The following DYNC1I1 variants were observed in gnomAD, a reference collection of about 807,000 sequenced individuals.
DYNC1I1 encodes the protein dynein cytoplasmic 1 intermediate chain 1.
In DYNC1I1, 43 loss-of-function variants were observed where a neutral mutation model predicts 86.6. The ratio of observed to expected loss-of-function variants is 0.50; its 90% CI spans 0.39 to 0.64. The LOEUF (loss-of-function observed/expected upper bound fraction) is 0.64, where lower values mean the gene tolerates loss of function less well. Among genes scored for constraint, DYNC1I1 ranks in the 30% least tolerant of loss-of-function variants. DYNC1I1 has a pLI of 0.00. For synonymous variants in DYNC1I1, 262 were observed against 283.7 expected (o/e 0.92, Z 0.77); for missense variants, 604 against 788.8 (o/e 0.77, Z 2.81).
At chr7:95,827,961 G>A (rs41278821) in intron 4 of DYNC1I1, 96 bp from the exon 5 acceptor site, 45,780 of 1,234,932 alleles carry the variant, frequency 0.037, 1,155 homozygotes, top group Non-Finnish European at 0.046. Flanking sequence ...TATTGTATAT[G>A]CTCTTGCCTT....
intron 3 of DYNC1I1, among the ~76,000 whole-genome samples, chr7:95,812,825 T>A (rs543181152): frequency 2.0e-5 from 3 of 152,176 alleles, no homozygotes; most frequent in Admixed American, 6.6e-5. Flanking sequence ...ACTTATTTAA[T>A]AACCTTTTAA....
At chr7:95,822,054 G>A (rs1795087452) in intron 4 of DYNC1I1, among the ~76,000 whole-genome samples, 1 of 152,218 alleles carries the variant, frequency 6.6e-6, no homozygotes, top group African/African-American at 2.4e-5. Context: ...CCAACTTGTT[G>A]TTGGTAAAAG....
At chr7:95,974,114 T>C (rs1370922875) in intron 6 of DYNC1I1, among the ~76,000 whole-genome samples, 1 of 152,232 alleles carries the variant, frequency 6.6e-6, no homozygotes, top group East Asian at 1.9e-4. Flanking sequence ...TTTCACTCTG[T>C]TTTAAATTGA....
chr7:96,054,929 G>A (rs1333439132), intron 14 of DYNC1I1, among the ~76,000 whole-genome samples: 24 of 152,086 alleles, frequency 1.6e-4, no homozygotes, highest in Non-Finnish European at 4.4e-5. Context: ...TGTTCACTCT[G>A]ATGATAGTTT....
chr7:96,062,772 A>G (rs1789821211), intron 14 of DYNC1I1, among the ~76,000 whole-genome samples: 1 of 152,206 alleles, frequency 6.6e-6, no homozygotes, highest in Non-Finnish European at 1.5e-5. Flanking sequence ...ACCATTTCTA[A>G]AATAAAAAGA....
intron 5 of DYNC1I1, among the ~76,000 whole-genome samples, chr7:95,847,609 A>G (rs1435479565): frequency 2.6e-5 from 4 of 152,174 alleles, no homozygotes; most frequent in Admixed American, 2.0e-4. Context: ...TCTACAGCAT[A>G]AAGTCCAAAT....
At chr7:95,875,775 G>A (rs889744356) in intron 6 of DYNC1I1, among the ~76,000 whole-genome samples, 10 of 152,304 alleles carry the variant, frequency 6.6e-5, no homozygotes, top group African/African-American at 2.4e-4. Flanking sequence ...TGTAGCTGGT[G>A]AACTTGTGAT....
At chr7:95,776,978 G>A (rs1204023219) in intron 1 of DYNC1I1, among the ~76,000 whole-genome samples, 1 of 152,198 alleles carries the variant, frequency 6.6e-6, no homozygotes, top group Non-Finnish European at 1.5e-5. Flanking sequence ...GCCAGATAGT[G>A]GAAGGGCTGG....
At chr7:95,975,349 T>C (rs1011981683) in intron 6 of DYNC1I1, among the ~76,000 whole-genome samples, 9 of 152,160 alleles carry the variant, frequency 5.9e-5, no homozygotes, top group Non-Finnish European at 1.2e-4. Context: ...TCTGTGGGCT[T>C]GGTTCCTTCT....
At chr7:96,063,777 G>T (rs1329160960) in intron 14 of DYNC1I1, among the ~76,000 whole-genome samples, 1 of 152,178 alleles carries the variant, frequency 6.6e-6, no homozygotes, top group Non-Finnish European at 1.5e-5. Flanking sequence ...TGGAGAGAGA[G>T]GGTGATAATT....
chr7:96,100,802 G>T (rs1469666703), downstream of DYNC1I1, among the ~76,000 whole-genome samples: 1 of 152,064 alleles, frequency 6.6e-6, no homozygotes, highest in Non-Finnish European at 1.5e-5. Flanking sequence ...TGTCTGAGTT[G>T]CCCTGGTAGT....
At chr7:95,892,031 C>G (rs4727328) in intron 6 of DYNC1I1, among the ~76,000 whole-genome samples, 133,580 of 152,126 alleles carry the variant, frequency 0.88, 58,767 homozygotes, top group Middle Eastern at 0.9. Context: ...GCAGTAGCAT[C>G]ATTTCGGCTC....
At chr7:95,936,705 C>A (rs950610486) in intron 6 of DYNC1I1, among the ~76,000 whole-genome samples, 12 of 151,706 alleles carry the variant, frequency 7.9e-5, no homozygotes, top group Non-Finnish European at 1.5e-4. Flanking sequence ...ATTAAAAATA[C>A]GATTGTTCCA....
chr7:95,780,185 T>C (rs1422632333), intron 1 of DYNC1I1, among the ~76,000 whole-genome samples: 3 of 152,176 alleles, frequency 2.0e-5, no homozygotes, highest in Admixed American at 2.0e-4. Flanking sequence ...TTTCATTGAA[T>C]AAATGAAATA....
At chr7:95,990,336 C>A (rs1405581975) in intron 9 of DYNC1I1, among the ~76,000 whole-genome samples, 1 of 152,182 alleles carries the variant, frequency 6.6e-6, no homozygotes. Context: ...TACATTGCAT[C>A]TTCCACTCCT....
At position 95,810,421 on chromosome 7, in the gene DYNC1I1, T is replaced by C; in HGVS notation, c.138T>C (p.Val46=). The change falls in exon 3 of 17, where the codon GTT becomes GTC. Residue 46 remains valine, a synonymous_variant. Coordinates refer to ENST00000447467, the MANE Select transcript of DYNC1I1 (RefSeq NM_001135556.2). The part of the protein sequence containing the change: ...EADMQQKKEP[V]QDDSDLDRKR... ...ATATGCAGCAGAAGAAAGAACCCGT[T>C]CAGGACGACTCTGATCTGGATCGCA... is the stretch of plus-strand genomic sequence containing the variant. 1 of 1,612,678 alleles carries C rather than the reference T, an allele frequency of 6.2e-7. No individual in the cohort carries two copies. The highest frequency in any genetic ancestry group is 8.5e-7 in the Non-Finnish European group (1 of 1,179,200).
chr7:95,987,273 T>C (rs568687881), intron 9 of DYNC1I1, 118 bp downstream of exon 9: 21 of 857,366 alleles, frequency 2.4e-5, no homozygotes, highest in Middle Eastern at 2.3e-4. Context: ...TTGGTTTTTT[T>C]CCCCTCATTT....
chr7:95,886,588 C>T (rs536297739), intron 6 of DYNC1I1, among the ~76,000 whole-genome samples: 4 of 152,222 alleles, frequency 2.6e-5, no homozygotes, highest in African/African-American at 9.6e-5. Flanking sequence ...CCCATGATGC[C>T]ATTCTGCCTC....
intron 6 of DYNC1I1, among the ~76,000 whole-genome samples, chr7:95,923,380 A>AC (rs1221656654): frequency 1.3e-5 from 2 of 151,946 alleles, no homozygotes; most frequent in African/African-American, 4.8e-5. Flanking sequence ...AAATAGAGAG[A>AC]CCCCCTACAC....
Sources: allele counts gnomAD v4.1 joint callset (sites outside exome capture counted in the v4.1 genomes callset), GRCh38; gene constraint gnomAD v4.1.1; transcripts MANE v1.5; gene names NCBI Gene and HGNC (gene_info 2026-07-23, HGNC 2026-07-21).